The following TRHDE variants were observed in gnomAD, a reference collection of about 807,000 sequenced individuals.
TRHDE encodes the protein thyrotropin-releasing hormone-degrading ectoenzyme.
In TRHDE, 72 loss-of-function variants were observed where a neutral mutation model predicts 125.7. The ratio of observed to expected loss-of-function variants is 0.57; its 90% CI spans 0.47 to 0.70. The LOEUF (loss-of-function observed/expected upper bound fraction) is 0.70. TRHDE is among the 30% of genes least tolerant of loss of function. The pLI is 0.00. For synonymous variants in TRHDE, 509 were observed against 509.1 expected, an observed-to-expected ratio of 1.00 and a Z score of 0.00; for missense variants, 1,110 against 1,327.1, an observed-to-expected ratio of 0.84 and a Z score of 2.54.
rs543091007 is a variant in TRHDE, at chr12:72,122,870, C to A, written n.279+17118C>A. On this transcript the variant is annotated intron_variant and non_coding_transcript_variant, in intron 2 of 4. Transcript: ENST00000548156. ...ATATATTTAAATACGTAGTACACAGCCTTTTAAAACATACCTTCTAAATGT... is the reference window on the plus strand; with the variant it reads ...ATATATTTAAATACGTAGTACACAGACTTTTAAAACATACCTTCTAAATGT... Among the ~76,000 whole-genome samples, 12 of 152,064 alleles carry A rather than the reference C, an allele frequency of 7.9e-5. No individual in the cohort carries two copies. The South Asian group carries it at 2.3e-3, about 29-fold the overall frequency.
chr12:72,428,687 AC>A (rs1341895112), intron 3 of TRHDE, among the ~76,000 whole-genome samples: 1 of 152,132 alleles, frequency 6.6e-6, no homozygotes, highest in African/African-American at 2.4e-5. Flanking sequence ...TGGTATATTC[AC>A]AACATGTGTA....
chr12:72,648,433 C>T (rs2136106695), intron 15 of TRHDE, among the ~76,000 whole-genome samples: 1 of 152,104 alleles, frequency 6.6e-6, no homozygotes, highest in Middle Eastern at 3.4e-3. Flanking sequence ...AAACGGCATC[C>T]TAATTGAAAA....
intron 5 of TRHDE, among the ~76,000 whole-genome samples, chr12:72,476,494 G>T (rs1483345275): frequency 6.6e-6 from 1 of 152,156 alleles, no homozygotes; most frequent in Non-Finnish European, 1.5e-5. Context: ...AAGAGTAATG[G>T]CTGTGTCAGC....
intron 5 of TRHDE, among the ~76,000 whole-genome samples, chr12:72,476,460 A>T (rs935811739): frequency 6.6e-6 from 1 of 152,226 alleles, no homozygotes; most frequent in East Asian, 1.9e-4. Flanking sequence ...TCAGCAAAAG[A>T]GTGAAAGAAA....
intron 1 of TRHDE, among the ~76,000 whole-genome samples, chr12:72,094,866 C>T (rs530884677): frequency 4.6e-5 from 7 of 152,278 alleles, no homozygotes; most frequent in East Asian, 1.9e-4. Flanking sequence ...TCATAGGTTC[C>T]GCCAGACTTT....
intron 2 of TRHDE, among the ~76,000 whole-genome samples, chr12:72,173,224 G>A (rs111286364): frequency 0.012 from 1,793 of 152,214 alleles, 42 homozygotes; most frequent in African/African-American, 0.04. Context: ...ATTATCTGGT[G>A]TCACAATTGG....
chr12:72,655,491 C>T (rs996897089), intron 17 of TRHDE, among the ~76,000 whole-genome samples: 2 of 152,080 alleles, frequency 1.3e-5, no homozygotes, highest in Non-Finnish European at 2.9e-5. Context: ...TCCTGTTGCT[C>T]AGAACTACTC....
intron 1 of TRHDE, among the ~76,000 whole-genome samples, chr12:72,102,162 G>A (rs1875083185): frequency 6.6e-6 from 1 of 152,112 alleles, no homozygotes; most frequent in Non-Finnish European, 1.5e-5. Flanking sequence ...ATATATTTAG[G>A]TATCTGGACA....
At chr12:72,193,942 A>G (rs534083917) in intron 2 of TRHDE, among the ~76,000 whole-genome samples, 9 of 152,222 alleles carry the variant, frequency 5.9e-5, no homozygotes, top group African/African-American at 2.2e-4. Flanking sequence ...TTCCTGTCAC[A>G]TACCTATGAT....
At chr12:72,589,013 A>C (rs1871558870) in intron 12 of TRHDE, among the ~76,000 whole-genome samples, 1 of 152,180 alleles carries the variant, frequency 6.6e-6, no homozygotes, top group Non-Finnish European at 1.5e-5. Context: ...AACCACCCTC[A>C]TTATTCAATT....
intron 2 of TRHDE, among the ~76,000 whole-genome samples, chr12:72,339,767 A>T (rs1180130995): frequency 6.6e-6 from 1 of 152,090 alleles, no homozygotes; most frequent in Non-Finnish European, 1.5e-5. Flanking sequence ...TATGGTGGAT[A>T]CTCTGGTGCT....
chr12:72,122,108 G>C (rs1053924469), intron 2 of TRHDE, among the ~76,000 whole-genome samples: 1 of 152,038 alleles, frequency 6.6e-6, no homozygotes, highest in Non-Finnish European at 1.5e-5. Flanking sequence ...GTTTGTCCTT[G>C]TTTATTCCAT....
rs1279461026 is a variant in TRHDE at position 72,568,584 on chromosome 12, C to T, written c.2059C>T (p.Pro687Ser). 1 of 1,610,052 alleles carries T rather than the reference C, an allele frequency of 6.2e-7. No individual in the cohort carries two copies. The highest frequency in any genetic ancestry group is 8.5e-7 in the Non-Finnish European group (1 of 1,177,504). Reference sequence around the variant, plus strand: ...ATTTTGCAGTTACCTGTGGCAGATTCCATTAACTATTGTGGTAGGAAATAG... The same window carrying T: ...ATTTTGCAGTTACCTGTGGCAGATTTCATTAACTATTGTGGTAGGAAATAG... ...LQNNSYLWQI[P>S]LTIVVGNRSH... Residue 687 changes from proline to serine, a missense_variant, in exon 10 of 19, where the codon CCA (proline) becomes TCA (serine). Transcript: ENST00000261180.
intron 1 of TRHDE, among the ~76,000 whole-genome samples, chr12:72,095,623 T>C (rs1874896992): frequency 1.3e-5 from 2 of 152,184 alleles, no homozygotes; most frequent in South Asian, 4.1e-4. Context: ...AACTCTGCTT[T>C]CTGTTTCTTT....
intron 5 of TRHDE, among the ~76,000 whole-genome samples, chr12:72,474,416 C>T (rs1876794517): frequency 6.6e-6 from 1 of 152,090 alleles, no homozygotes; most frequent in East Asian, 1.9e-4. Flanking sequence ...TACACTTTGT[C>T]TAATACATCC....
At chr12:72,396,206 T>C (rs1229835230) in intron 3 of TRHDE, among the ~76,000 whole-genome samples, 4 of 152,182 alleles carry the variant, frequency 2.6e-5, no homozygotes, top group Non-Finnish European at 5.9e-5. Context: ...TTTAAGCAAA[T>C]AAGAAACATT....
At chr12:72,447,439 T>A (rs1875349457) in intron 3 of TRHDE, among the ~76,000 whole-genome samples, 2 of 151,930 alleles carry the variant, frequency 1.3e-5, no homozygotes, top group Non-Finnish European at 2.9e-5. Context: ...TGACACCGAT[T>A]GTGCATTTCT....
At chr12:72,624,738 T>C (rs1873189909) in intron 15 of TRHDE, among the ~76,000 whole-genome samples, 1 of 151,930 alleles carries the variant, frequency 6.6e-6, no homozygotes, top group Non-Finnish European at 1.5e-5. Context: ...GCAATGGTGA[T>C]GTCATGCATA....
chr12:72,350,138 CTG>C (rs1337228532), intron 2 of TRHDE, among the ~76,000 whole-genome samples: 5 of 152,010 alleles, frequency 3.3e-5, no homozygotes, highest in Non-Finnish European at 5.9e-5. Flanking sequence ...TTTTCCCATC[CTG>C]TCTCTGCATA....
Sources: allele counts gnomAD v4.1 joint callset (sites outside exome capture counted in the v4.1 genomes callset), GRCh38; gene constraint gnomAD v4.1.1; transcripts MANE v1.5; gene names NCBI Gene and HGNC (gene_info 2026-07-23, HGNC 2026-07-21).